MAGED2: variants seen among roughly 807,000 people sequenced by gnomAD.
MAGED2 encodes the protein melanoma-associated antigen D2.
In MAGED2, 6 loss-of-function variants were observed where a neutral mutation model predicts 41.7. The ratio of observed to expected loss-of-function variants is 0.14; its 90% CI spans 0.08 to 0.28. The LOEUF is 0.28. Among genes scored for constraint, MAGED2 ranks in the 10% least tolerant of loss-of-function variants. MAGED2 has a pLI of 1.00. For missense variants in MAGED2, 343 were observed against 486.4 expected, an observed-to-expected ratio of 0.71 and a Z score of 2.77; for synonymous variants, 146 against 178.2, an observed-to-expected ratio of 0.82 and a Z score of 1.44.
chrX:54,811,763 C>T, intron 6 of MAGED2, 110 bp downstream of exon 6: 1 of 562,595 alleles, frequency 1.8e-6, no homozygotes, highest in Non-Finnish European at 3.0e-6. Flanking sequence ...AGCTCCATCG[C>T]TATGCTGAGG....
Position 54,810,947 on chromosome X carries a change from A to G in MAGED2, c.664A>G (p.Ile222Val). ...GGCCCGCAGGGCTTCAAGGGGTCCC[A>G]TAGCCTTTTGGGCCCGCAGGGCATC... ...SMARRASRGPIAFWARRASRT... is the reference protein window; with the variant it reads ...SMARRASRGPVAFWARRASRT... The change falls in exon 4 of 13, where the codon ATA becomes GTA. Residue 222 changes from isoleucine to valine, a missense_variant. Coordinates refer to ENST00000375068, the MANE Select transcript of MAGED2 (RefSeq NM_177433.3). 1.7e-6 allele frequency: 2 copies of G among 1,206,969 alleles called. No homozygotes were observed. The highest frequency in any genetic ancestry group is 2.2e-6 in the Non-Finnish European group (2 of 892,917).
rs11555931 is a variant in MAGED2, at chrX:54,808,412, T to C, written c.-30+610T>C. 9 of 111,158 alleles carry C rather than the reference T, an allele frequency of 8.1e-5. No homozygotes were observed. The East Asian group carries it at 2.6e-3, about 32-fold the overall frequency. 9.2% of individuals were successfully genotyped at this position (111,158 alleles called of 1,213,427 possible). On this transcript the variant is annotated intron_variant, in intron 1 of 12. Transcript: ENST00000375068. ...AGGGGCTTGGAGTGAGTGGACGCAC[T>C]CGGGAATTGTAGGAGGACGAGGTGA...
rs996119765 is a variant in MAGED2 at position 54,810,809 on chromosome X, C to T, written c.538-12C>T. 8 of 1,149,642 alleles carry T rather than the reference C, an allele frequency of 7.0e-6. No homozygotes were observed. In the South Asian group the frequency reaches 1.2e-4, roughly 18 times the overall value. 94.7% of individuals were successfully genotyped at this position (1,149,642 alleles called of 1,213,427 possible). A position where few individuals can be genotyped will look rare whatever the true frequency, so the allele number is the denominator to read the frequency against. ...CATCTGGTGACGTTGAGCTTCCTCT[C>T]TGTTGATGCAGGTGAAGCATCTGGA... On this transcript the variant is annotated splice_polypyrimidine_tract_variant and intron_variant, in intron 3 of 12. Transcript: ENST00000375068.
At position 54,812,208 on chromosome X, in the gene MAGED2, C is replaced by G; in HGVS notation, c.1042C>G (p.Leu348Val). 8.3e-7 allele frequency: 1 copy of G among 1,204,238 alleles called. No individual in the cohort carries two copies. Among genetic ancestry groups the G allele is most frequent in the Non-Finnish European group, 1.1e-6 (1 of 890,467 alleles). Residue 348 changes from leucine (L) to valine (V), a missense_variant, in exon 7 of 13, where the codon CTT becomes GTT. This residue lies in a region of MAGED2 where 95 missense variants were observed against 204.8 expected (regional missense o/e 0.46). Transcript: ENST00000375068. ...TGATAAGAATGACCACTTGTACATT[C>G]TTCTCAGCACCTTAGAGCCCACTGA... is the stretch of plus-strand genomic sequence containing the variant. ...EIDKNDHLYILLSTLEPTDAG... is the reference protein window; with the variant it reads ...EIDKNDHLYIVLSTLEPTDAG...
intron 10 of MAGED2, 38 bp from the exon 11 acceptor site, chrX:54,814,623 G>A: frequency 1.1e-6 from 1 of 913,528 alleles, no homozygotes; most frequent in Non-Finnish European, 1.6e-6. Context: ...GGCCATGAAT[G>A]GTCTTAGAAA....
Position 54,812,930 on chromosome X carries a change from C to T in MAGED2, c.1086-15C>T. The T allele has an allele frequency of 8.5e-7, 1 of 1,176,631 alleles. No individual in the cohort carries two copies. Among genetic ancestry groups the T allele is most frequent in the Non-Finnish European group, 1.2e-6 (1 of 866,216 alleles). On this transcript the variant is annotated splice_polypyrimidine_tract_variant and intron_variant, in intron 7 of 12. Transcript: ENST00000375068. Reference sequence around the variant, plus strand: ...GCTGCTGAACATAAACCTCTCTGTCCTGTTATTTCTCTAGGACTAAGGACT... The same window carrying T: ...GCTGCTGAACATAAACCTCTCTGTCTTGTTATTTCTCTAGGACTAAGGACT...
rs762010356 is a variant in MAGED2, at chrX:54,812,951, G to A, written c.1092G>A (p.Lys364=). 13 of 1,205,274 alleles carry A rather than the reference G, an allele frequency of 1.1e-5. No homozygotes were observed. Among genetic ancestry groups the A allele is most frequent in the Non-Finnish European group, 1.3e-5 (12 of 891,477 alleles). The change falls in exon 8 of 13, where the codon AAG becomes AAA. Residue 364 remains lysine, a synonymous_variant. Transcript: ENST00000375068. ...PTDAGILGTT[K]DSPKLGLLMV... ...TGTCCTGTTATTTCTCTAGGACTAA[G>A]GACTCACCCAAGCTGGGTCTGCTCA... is the stretch of plus-strand genomic sequence containing the variant.
intron 4 of MAGED2, 57 bp from the exon 5 acceptor site, chrX:54,811,193 C>T (rs1288685863): frequency 2.0e-5 from 24 of 1,195,292 alleles, no homozygotes; most frequent in Middle Eastern, 2.3e-4. Flanking sequence ...TCTTTGCCAT[C>T]GTCTCAAGTT....
chrX:54,814,092 C>T (rs948025466), intron 10 of MAGED2, among the ~76,000 whole-genome samples: 2 of 112,138 alleles, frequency 1.8e-5, no homozygotes, highest in Admixed American at 9.4e-5. Context: ...CCTGGGGCTC[C>T]GAGAAGGGAG....
rs1477281361 is a variant in MAGED2, at chrX:54,809,388, T to C, written c.45+12T>C. The stretch of plus-strand genomic sequence containing the variant: ...TAACTCGCTTCCAGGTAAGGCCTCT[T>C]TCTGTCCTTTCCCCAGCTGCTTTTC... On this transcript the variant is annotated intron_variant, in intron 2 of 12. Transcript: ENST00000375068. 1 of 1,194,465 alleles carries C rather than the reference T, an allele frequency of 8.4e-7. No individual in the cohort carries two copies. The highest frequency in any genetic ancestry group is 3.0e-5 in the East Asian group (1 of 33,678).
intron 9 of MAGED2, 31 bp downstream of exon 9, chrX:54,813,191 C>T (rs896279498): frequency 3.3e-6 from 4 of 1,210,241 alleles, no homozygotes; most frequent in East Asian, 3.0e-5. Context: ...CGCTTGCTGT[C>T]CGTGTTGTCC....
chrX:54,811,735 A>G, intron 6 of MAGED2, 82 bp downstream of exon 6: 2 of 707,613 alleles, frequency 2.8e-6, no homozygotes. Context: ...CTCGGGAACC[A>G]AAGAGACCTG....
chrX:54,809,952 C>A lies in MAGED2; in HGVS notation c.276C>A (p.Thr92=). The A allele has an allele frequency of 8.3e-7, 1 of 1,204,365 alleles. No homozygotes were observed. The highest frequency in any genetic ancestry group is 1.1e-6 in the Non-Finnish European group (1 of 891,429). ...QASSTTQLTD[T]QVLAAENKSL... is the part of the protein sequence containing the mutation. The stretch of plus-strand genomic sequence containing the variant: ...CATCTACTACTCAGCTGACTGATAC[C>A]CAGGTTCTGGCAGCTGAAAACAAGA... Residue 92 remains threonine (T), a synonymous_variant, in exon 3 of 13, where the codon ACC becomes ACA. Transcript: ENST00000375068.
intron 7 of MAGED2, 113 bp from the exon 8 acceptor site, chrX:54,812,832 G>GTATCTGA (rs1929849387): frequency 1.8e-5 from 10 of 568,058 alleles, no homozygotes; most frequent in Non-Finnish European, 3.0e-5. Flanking sequence ...AGCAGAGACT[G>GTATCTGA]GGTAGAATTC....
intron 7 of MAGED2, 87 bp downstream of exon 7, chrX:54,812,338 T>A (rs1929833751): frequency 1.8e-6 from 1 of 555,120 alleles, no homozygotes; most frequent in Admixed American, 3.6e-5. Context: ...CCCCATCCTC[T>A]TAGAGAGTCA....
chrX:54,810,796 T>C (rs765155707), intron 3 of MAGED2, 25 bp from the exon 4 acceptor site: 2 of 1,135,838 alleles, frequency 1.8e-6, no homozygotes, highest in Admixed American at 3.0e-5. Context: ...TCTGGTGACG[T>C]TGAGCTTCCT....
At chrX:54,812,796 C>T (rs1004893812) in intron 7 of MAGED2, 149 bp from the exon 8 acceptor site, 7 of 471,853 alleles carry the variant, frequency 1.5e-5, no homozygotes, top group Non-Finnish European at 2.6e-5. Flanking sequence ...GTCTAAGTGC[C>T]TTGCCAAGGG....
Position 54,810,223 on chromosome X carries a change from C to T in MAGED2, c.537+10C>T. 1 of 1,039,064 alleles carries T rather than the reference C, an allele frequency of 9.6e-7. No individual in the cohort carries two copies. The highest frequency in any genetic ancestry group is 1.3e-6 in the Non-Finnish European group (1 of 776,946). The allele number at this position is 1,039,064 out of a possible 1,213,427, so 85.6% of individuals were successfully genotyped here. The stretch of plus-strand genomic sequence containing the variant: ...CAAGAAAGCCCGAAAGGTAAGACCT[C>T]TGCAGTCACCACCCTTGGTTTTCTA... On this transcript the variant is annotated intron_variant, in intron 3 of 12. Transcript: ENST00000375068.
At chrX:54,813,671 G>A (rs752886220) in intron 10 of MAGED2, 121 bp downstream of exon 10, 2 of 579,986 alleles carry the variant, frequency 3.4e-6, no homozygotes, top group South Asian at 3.0e-5. Flanking sequence ...ATATTTGCAT[G>A]TATGCAGGTG....
Sources: allele counts gnomAD v4.1 joint callset (sites outside exome capture counted in the v4.1 genomes callset), GRCh38; gene constraint gnomAD v4.1.1; regional missense constraint gnomAD v4.1.1; transcripts MANE v1.5; gene names NCBI Gene and HGNC (gene_info 2026-07-23, HGNC 2026-07-21).